SLC35B4: variants seen among roughly 807,000 people sequenced by gnomAD.
SLC35B4 encodes the protein solute carrier family 35 member B4, also known as nucleotide sugar transporter SLC35B4.
SLC35B4 carries 28 observed loss-of-function variants against 39.5 expected under a neutral mutation model. The observed-to-expected ratio is 0.71, with a 90% CI of 0.53 to 0.97. SLC35B4 has a LOEUF of 0.97. SLC35B4 is among the 50% of genes least tolerant of loss of function. The pLI, the probability that SLC35B4 is intolerant of heterozygous loss-of-function variation, is 0.00. For synonymous variants in SLC35B4, 145 were observed against 150.4 expected, an observed-to-expected ratio of 0.96 and a Z score of 0.26; for missense variants, 334 against 414.3, an observed-to-expected ratio of 0.81 and a Z score of 1.68.
At position 134,298,208 on chromosome 7, in the gene SLC35B4, G is replaced by A. The variant is rs539786213; in HGVS notation, c.673+1315C>T. Among the ~76,000 whole-genome samples, 13 of 152,076 alleles carry A rather than the reference G, an allele frequency of 8.5e-5. 1 individual carries two copies. Among genetic ancestry groups the A allele is most frequent in the South Asian group, 8.3e-4 (4 of 4,814 alleles). The stretch of plus-strand genomic sequence containing the variant: ...GATCAGTGGGCAATGCCAATAATCT[G>A]GTATTCTATTATCTTTGATATCCTT... On this transcript the variant is annotated intron_variant, in intron 8 of 9. Transcript: ENST00000378509.
intron 1 of SLC35B4, among the ~76,000 whole-genome samples, chr7:134,312,309 C>T (rs564365328): frequency 3.3e-5 from 5 of 152,184 alleles, no homozygotes; most frequent in African/African-American, 1.2e-4. Flanking sequence ...TCAAAGTTTC[C>T]TTCTATGTTC....
chr7:134,316,286 G>C (rs1803973847), intron 1 of SLC35B4, among the ~76,000 whole-genome samples: 1 of 150,008 alleles, frequency 6.7e-6, no homozygotes, highest in Non-Finnish European at 1.5e-5. Flanking sequence ...TGGGAAGGAA[G>C]AGAGAGTGGT....
chr7:134,316,912 C>A lies in SLC35B4; in HGVS notation c.-161G>T. 1.6e-6 allele frequency: 1 copy of A among 642,850 alleles called. No homozygotes were observed. Among genetic ancestry groups the A allele is most frequent in the Non-Finnish European group, 2.7e-6 (1 of 375,978 alleles). 39.8% of individuals were successfully genotyped at this position (642,850 alleles called of 1,614,324 possible). On this transcript the variant is annotated 5_prime_UTR_variant, in exon 1 of 10. Coordinates refer to ENST00000378509, the MANE Select transcript of SLC35B4 (RefSeq NM_032826.5). Reference sequence around the variant, plus strand: ...CCGCGGTCTCCCCTTCTCCCGCGGCCAACACCGACGCTGCCAAGAAGCTGT... The same window carrying A: ...CCGCGGTCTCCCCTTCTCCCGCGGCAAACACCGACGCTGCCAAGAAGCTGT...
At chr7:134,318,195 C>G (rs1452271214), upstream of SLC35B4, among the ~76,000 whole-genome samples, 2 of 152,090 alleles carry the variant, frequency 1.3e-5, no homozygotes, top group Non-Finnish European at 2.9e-5. Context: ...TTAGACCTAC[C>G]AAGTCAAAAT....
In SLC35B4 at chr7:134,314,393, A is replaced by G. The variant is rs114574377; in HGVS notation, c.77+2282T>C. ...TCAGTCAAGGGCTCACAAACTAGTA[A>G]AGAGGGGATTCAGTTGCTTGCATAT... On this transcript the variant is annotated intron_variant, in intron 1 of 9. Transcript: ENST00000378509. 1.8e-3 allele frequency among the ~76,000 whole-genome samples: 276 copies of G among 152,310 alleles called. 4 individuals are homozygous for G. The highest frequency in any genetic ancestry group is 6.1e-3 in the African/African-American group (254 of 41,574).
In SLC35B4 at chr7:134,295,065, C is replaced by T. The variant is rs749642687; in HGVS notation, c.764G>A (p.Arg255Gln). ...MNIITQYVCI[R>Q]GVFILTTECA... The stretch of plus-strand genomic sequence containing the variant: ...TTCTGTGGTGAGGATAAACACACCC[C>T]GGATGCACACGTACCTGGAGGAGTG... Residue 255 changes from arginine to glutamine, a missense_variant, in exon 10 of 10, where the codon CGG (arginine) becomes CAG (glutamine). Transcript: ENST00000378509. The T allele has an allele frequency of 9.9e-6, 16 of 1,613,880 alleles. No individual in the cohort carries two copies. Among genetic ancestry groups the T allele is most frequent in the East Asian group, 6.7e-5 (3 of 44,888 alleles).
At chr7:134,299,670 G>A in intron 7 of SLC35B4, 72 bp from the exon 8 acceptor site, 1 of 1,342,786 alleles carries the variant, frequency 7.4e-7, no homozygotes, top group Non-Finnish European at 1.1e-6. Flanking sequence ...GCTTTACAAT[G>A]ATTAAAAGTC....
intron 6 of SLC35B4, 113 bp from the exon 7 acceptor site, chr7:134,300,374 C>T (rs1465664027): frequency 2.9e-6 from 2 of 696,148 alleles, no homozygotes; most frequent in South Asian, 2.2e-5. Context: ...AATTGTAGAA[C>T]ATGTACAAAA....
At chr7:134,303,175 C>A (rs1803628492) in intron 4 of SLC35B4, among the ~76,000 whole-genome samples, 1 of 152,066 alleles carries the variant, frequency 6.6e-6, no homozygotes, top group Non-Finnish European at 1.5e-5. Flanking sequence ...TATGGAAATT[C>A]CTGCTCAATG....
chr7:134,317,756 A>G (rs575560522), upstream of SLC35B4, among the ~76,000 whole-genome samples: 10 of 149,052 alleles, frequency 6.7e-5, no homozygotes, highest in South Asian at 2.1e-3. Context: ...TACTTACTCA[A>G]TGAACAAATG....
chr7:134,317,633 A>C (rs1804020165), upstream of SLC35B4, among the ~76,000 whole-genome samples: 1 of 150,844 alleles, frequency 6.6e-6, no homozygotes, highest in Non-Finnish European at 1.5e-5. Flanking sequence ...TTCTACTGGC[A>C]AAAATGCCAA....
intron 4 of SLC35B4, among the ~76,000 whole-genome samples, chr7:134,303,287 C>T (rs1027831693): frequency 6.6e-6 from 1 of 152,042 alleles, no homozygotes; most frequent in Admixed American, 6.6e-5. Flanking sequence ...TGAGAAAGAC[C>T]CGTAACATTT....
At chr7:134,305,734 G>A (rs188242918) in intron 3 of SLC35B4, among the ~76,000 whole-genome samples, 2 of 152,210 alleles carry the variant, frequency 1.3e-5, no homozygotes, top group East Asian at 1.9e-4. Context: ...GCAATGTTGC[G>A]ATCTTGGCTC....
At chr7:134,304,927 G>T in intron 3 of SLC35B4, 73 bp from the exon 4 acceptor site, 1 of 1,146,166 alleles carries the variant, frequency 8.7e-7, no homozygotes, top group South Asian at 1.3e-5. Flanking sequence ...GAGAGAATAG[G>T]AACATGGGCA....
At chr7:134,309,333 C>A in intron 2 of SLC35B4, 33 bp downstream of exon 2, 1 of 1,415,704 alleles carries the variant, frequency 7.1e-7, no homozygotes, top group East Asian at 2.4e-5. Flanking sequence ...CTTAAAAAAT[C>A]CAAAAGCTAA....
intron 1 of SLC35B4, among the ~76,000 whole-genome samples, chr7:134,310,812 G>T (rs1803817739): frequency 6.6e-6 from 1 of 152,104 alleles, no homozygotes; most frequent in Admixed American, 6.5e-5. Flanking sequence ...CTCCCAAAGT[G>T]CTGGGATTAC....
intron 4 of SLC35B4, 109 bp from the exon 5 acceptor site, chr7:134,302,219 T>A (rs1803598778): frequency 2.3e-6 from 2 of 862,444 alleles, no homozygotes; most frequent in African/African-American, 3.4e-5. Context: ...CACTAAAGTA[T>A]GACAGACAGG....
upstream of SLC35B4, among the ~76,000 whole-genome samples, chr7:134,319,864 A>G (rs558774691): frequency 2.6e-5 from 4 of 152,016 alleles, no homozygotes; most frequent in African/African-American, 9.7e-5. Flanking sequence ...CATCGGTTCC[A>G]CCTCACAAGT....
intron 2 of SLC35B4, among the ~76,000 whole-genome samples, chr7:134,307,045 T>C (rs1170270026): frequency 6.6e-6 from 1 of 152,246 alleles, no homozygotes. Context: ...AATGATTGTA[T>C]TGATTCTTTG....
Sources: allele counts gnomAD v4.1 joint callset (sites outside exome capture counted in the v4.1 genomes callset), GRCh38; gene constraint gnomAD v4.1.1; transcripts MANE v1.5; gene names NCBI Gene and HGNC (gene_info 2026-07-23, HGNC 2026-07-21).